CYRIB: variants seen among roughly 807,000 people sequenced by gnomAD.
CYRIB encodes the protein CYFIP-related Rac1 interactor B.
In CYRIB, 8 loss-of-function variants were observed where a neutral mutation model predicts 44.2. The observed-to-expected ratio is 0.18, with a 90% CI of 0.11 to 0.33. The LOEUF (loss-of-function observed/expected upper bound fraction) is 0.33, where lower values mean the gene tolerates loss of function less well. Ranked by LOEUF, CYRIB falls within the 10% of genes least tolerant of loss-of-function variation. CYRIB has a pLI of 1.00. For missense variants in CYRIB, 185 were observed against 382.8 expected (o/e 0.48, Z 4.31); for synonymous variants, 131 against 127.2 (o/e 1.03, Z -0.20).
chr8:129,848,226 T>C (rs192470168), intron 10 of CYRIB, among the ~76,000 whole-genome samples: 315 of 152,310 alleles, frequency 2.1e-3, no homozygotes, highest in Middle Eastern at 0.01. Context: ...TCCTGGGACA[T>C]GGCAACCATA....
At chr8:129,938,027 T>C (rs1323594063) in intron 1 of CYRIB, among the ~76,000 whole-genome samples, 2 of 152,020 alleles carry the variant, frequency 1.3e-5, no homozygotes, top group Admixed American at 6.6e-5. Context: ...CTGCCATAAA[T>C]ACTTACAGCA....
At chr8:129,840,659 A>G (rs2035895309) in exon 12 of CYRIB, 1 of 152,240 alleles carries the variant, frequency 6.6e-6, no homozygotes, top group Non-Finnish European at 1.5e-5. Flanking sequence ...GAGGGTCACA[A>G]GGGGAGGAAG....
intron 2 of CYRIB, among the ~76,000 whole-genome samples, chr8:129,880,640 T>A (rs1347669890): frequency 6.6e-6 from 1 of 152,186 alleles, no homozygotes; most frequent in African/African-American, 2.4e-5. Context: ...CTGTCCCTCT[T>A]TTCCACATAT....
At chr8:129,991,855 G>A (rs189972754) in intron 1 of CYRIB, among the ~76,000 whole-genome samples, 1 of 147,826 alleles carries the variant, frequency 6.8e-6, no homozygotes, top group African/African-American at 2.5e-5. Context: ...GGAGGCTAAG[G>A]CAGGAGAATC....
At chr8:129,845,082 G>A (rs959584151) in intron 11 of CYRIB, among the ~76,000 whole-genome samples, 2 of 152,100 alleles carry the variant, frequency 1.3e-5, no homozygotes, top group African/African-American at 4.8e-5. Flanking sequence ...CTCAAACACA[G>A]ATTACTTTGT....
In CYRIB at chr8:129,849,669, A is replaced by C. The variant is rs2042211781; in HGVS notation, c.714-300T>G. 3 of 223,600 alleles carry C rather than the reference A, an allele frequency of 1.3e-5. No homozygotes were observed. The Admixed American group carries it at 1.6e-4, about 12-fold the overall frequency. 13.9% of individuals were successfully genotyped at this position (223,600 alleles called of 1,614,324 possible). A position where few individuals can be genotyped will look rare whatever the true frequency, so the allele number is the denominator to read the frequency against. On this transcript the variant is annotated intron_variant, in intron 9 of 11. Transcript: ENST00000519824. ...ACTAACATTATGCCCCTTACTCCAC[A>C]ATGAGATCCCCAGAGATATGAGAAG...
chr8:129,998,075 C>T (rs1350944547), intron 1 of CYRIB, among the ~76,000 whole-genome samples: 5 of 147,878 alleles, frequency 3.4e-5, no homozygotes, highest in Non-Finnish European at 5.9e-5. Flanking sequence ...GAGCTGAGAT[C>T]GCTCCACTGC....
Position 130,001,610 on chromosome 8 carries a change from C to A in CYRIB, c.-296+14760G>T, listed in dbSNP as rs566461177. On this transcript the variant is annotated intron_variant, in intron 1 of 14. Transcript: ENST00000401979. ...ATGGCGCAATCTTGGTTCACTGCAA[C>A]CTCCGCCTCCTGGGTTCAAGCAATT... Among the ~76,000 whole-genome samples the A allele has an allele frequency of 1.0e-4, 15 of 148,844 alleles. No homozygotes were observed. In the East Asian group the frequency reaches 2.6e-3, roughly 25 times the overall value.
At chr8:129,904,195 G>A (rs1473418244) in intron 1 of CYRIB, among the ~76,000 whole-genome samples, 1 of 152,118 alleles carries the variant, frequency 6.6e-6, no homozygotes, top group African/African-American at 2.4e-5. Flanking sequence ...TCAGGAAAAA[G>A]CCTCATGTTT....
At chr8:129,980,227 C>CAAAAAAAAAAA (rs58630436) in intron 1 of CYRIB, among the ~76,000 whole-genome samples, 7 of 91,764 alleles carry the variant, frequency 7.6e-5, no homozygotes, top group South Asian at 3.3e-4. Context: ...GACTCCATCT[C>CAAAAAAAAAAA]AAAAAAAAAA....
chr8:129,893,595 T>A (rs1168120804), intron 2 of CYRIB, among the ~76,000 whole-genome samples: 1 of 152,216 alleles, frequency 6.6e-6, no homozygotes, highest in African/African-American at 2.4e-5. Flanking sequence ...AATTTAGCAA[T>A]AGTTGCTTCA....
intron 4 of CYRIB, chr8:129,864,606 A>C (rs1447848064): frequency 5.8e-6 from 1 of 171,936 alleles, no homozygotes; most frequent in East Asian, 1.8e-4. Context: ...AGCCCAATAA[A>C]GTGTGCAGAC....
intron 5 of CYRIB, among the ~76,000 whole-genome samples, chr8:129,857,961 G>T (rs1365796683): frequency 1.3e-5 from 2 of 152,258 alleles, no homozygotes; most frequent in Non-Finnish European, 2.9e-5. Flanking sequence ...GCTTGACTAA[G>T]TTGGGATGGT....
At chr8:129,862,245 T>C in exon 5 of CYRIB, 1 of 1,613,114 alleles carries the variant, frequency 6.2e-7, no homozygotes, top group Non-Finnish European at 8.5e-7. Flanking sequence ...TCTGAGAAAA[T>C]TCGTAAAATT....
At chr8:129,960,259 C>A (rs562739190) in intron 2 of CYRIB, among the ~76,000 whole-genome samples, 1 of 152,258 alleles carries the variant, frequency 6.6e-6, no homozygotes, top group African/African-American at 2.4e-5. Context: ...TGTACACAGG[C>A]CCTCCTTAAG....
At chr8:129,842,259 A>T in intron 11 of CYRIB, 54 bp from the exon 14 acceptor site, 2 of 1,272,794 alleles carry the variant, frequency 1.6e-6, no homozygotes, top group Middle Eastern at 1.9e-4. Flanking sequence ...AATAATCAGC[A>T]TCGGGTTCTC....
intron 1 of CYRIB, among the ~76,000 whole-genome samples, chr8:129,985,776 C>T (rs1468250909): frequency 1.3e-5 from 2 of 152,174 alleles, no homozygotes; most frequent in Non-Finnish European, 2.9e-5. Flanking sequence ...TTTTCTCAGT[C>T]CACCTCCACA....
chr8:129,911,479 T>C (rs1390204655), intron 1 of CYRIB, among the ~76,000 whole-genome samples: 1 of 152,140 alleles, frequency 6.6e-6, no homozygotes, highest in Middle Eastern at 3.2e-3. Flanking sequence ...TAACTTCTTT[T>C]ATTGTAAAAT....
intron 1 of CYRIB, among the ~76,000 whole-genome samples, chr8:129,912,145 G>C (rs1267465164): frequency 6.6e-6 from 1 of 151,988 alleles, no homozygotes; most frequent in African/African-American, 2.4e-5. Flanking sequence ...TAATTTTAAA[G>C]GAATGGTAAA....
Sources: gnomAD v4.1 joint callset for allele counts (sites outside exome capture counted in the v4.1 genomes callset) on GRCh38, gnomAD v4.1.1 for gene constraint, MANE v1.5 for transcripts, NCBI Gene and HGNC (gene_info 2026-07-23, HGNC 2026-07-21) for gene names.